Variants in MTAP observed in about 807,000 individuals in gnomAD.
MTAP encodes methylthioadenosine phosphorylase.
Under a neutral mutation model 33.6 loss-of-function variants are expected in MTAP, and 33 were observed. The observed-to-expected ratio is 0.98, with a 90% CI of 0.74 to 1.31. The LOEUF (loss-of-function observed/expected upper bound fraction) is 1.31. MTAP is among the 40% of genes most tolerant of loss of function. The pLI is 0.00. For synonymous variants in MTAP, 148 were observed against 125.7 expected (o/e 1.18, Z -1.19); for missense variants, 367 against 360.0 (o/e 1.02, Z -0.16).
intron 6 of MTAP, 120 bp from the exon 7 acceptor site, chr9:21,859,183 A>G (rs1825700665): frequency 7.1e-7 from 1 of 1,411,072 alleles, no homozygotes; most frequent in South Asian, 1.4e-5. Context: ...CGGTTTCAGC[A>G]GATAAATTTG....
chr9:21,851,938 C>T (rs1195211966), intron 5 of MTAP, among the ~76,000 whole-genome samples: 2 of 152,170 alleles, frequency 1.3e-5, no homozygotes, highest in Non-Finnish European at 2.9e-5. Context: ...TCTCCTTGCT[C>T]CTCAGCCTGC....
chr9:21,824,013 C>T (rs763398338), intron 4 of MTAP, among the ~76,000 whole-genome samples: 1 of 152,144 alleles, frequency 6.6e-6, no homozygotes, highest in Non-Finnish European at 1.5e-5. Context: ...TTCGTCTAAT[C>T]TTTTTTCAAG....
intron 1 of MTAP, among the ~76,000 whole-genome samples, chr9:21,888,395 C>T (rs1419017676): frequency 6.6e-6 from 1 of 152,066 alleles, no homozygotes; most frequent in Non-Finnish European, 1.5e-5. Context: ...TCTTCATAAT[C>T]GGTCTAGTGC....
rs1291432298 is a variant in MTAP, at chr9:21,802,784, G to A, written c.33+3G>A. ...GCACCACCACCACCGCCGTGAAGGT[G>A]AGATGAGCCCTCCCAGCCGCAGCGG... On this transcript the variant is annotated splice_donor_region_variant and intron_variant, in intron 1 of 7. Coordinates refer to ENST00000644715, the MANE Select transcript of MTAP (RefSeq NM_002451.4). The A allele has an allele frequency of 7.4e-6, 12 of 1,613,020 alleles. No individual in the cohort carries two copies. The African/African-American group carries it at 8.0e-5, about 11-fold the overall frequency.
intron 1 of MTAP, among the ~76,000 whole-genome samples, chr9:21,876,704 A>G (rs141770637): frequency 2.6e-5 from 4 of 152,134 alleles, no homozygotes; most frequent in African/African-American, 9.6e-5. Flanking sequence ...TGGGCTCTCT[A>G]TTCGGTTCCA....
chr9:21,869,825 T>C (rs926863492), downstream of MTAP, among the ~76,000 whole-genome samples: 1 of 152,228 alleles, frequency 6.6e-6, no homozygotes, highest in Non-Finnish European at 1.5e-5. Context: ...GTGTCTACTT[T>C]TGTTCCCTAG....
chr9:21,880,257 A>G (rs889257403), intron 1 of MTAP, among the ~76,000 whole-genome samples: 5 of 152,128 alleles, frequency 3.3e-5, no homozygotes, highest in Non-Finnish European at 7.4e-5. Context: ...CTTTTGCCAT[A>G]TCATTTTACA....
intron 1 of MTAP, chr9:21,929,494 C>G (rs1458610756): frequency 7.8e-6 from 2 of 256,760 alleles, no homozygotes. Flanking sequence ...CAACGCTTTA[C>G]TGGCAGCACA....
intron 4 of MTAP, among the ~76,000 whole-genome samples, chr9:21,836,973 TCCCTTGA>T (rs1362095182): frequency 2.0e-5 from 3 of 152,308 alleles, no homozygotes; most frequent in Non-Finnish European, 2.9e-5. Context: ...CCTGTTGGCT[TCCCTTGA>T]CCCATCTCTC....
In MTAP at chr9:21,915,691, C is replaced by G. The variant is rs112092805; in HGVS notation, c.148-15317C>G. 9.8e-3 allele frequency among the ~76,000 whole-genome samples: 1,487 copies of G among 152,142 alleles called. 20 individuals are homozygous for G. The highest frequency in any genetic ancestry group is 0.034 in the African/African-American group (1,420 of 41,514). On this transcript the variant is annotated intron_variant, in intron 1 of 1. Transcript: ENST00000577563. ...ATCTGACTTGCACTTTAAAAGATAA[C>G]TCAGACTATGGTGTTGAGAATATAC...
chr9:21,873,323 T>A (rs901480270), intron 1 of MTAP, among the ~76,000 whole-genome samples: 1 of 152,204 alleles, frequency 6.6e-6, no homozygotes, highest in African/African-American at 2.4e-5. Flanking sequence ...GATTTGCACT[T>A]AATGAACAGC....
Position 21,818,055 on chromosome 9 carries a change from T to A in MTAP, c.200T>A (p.Ile67Asn), listed in dbSNP as rs143281052. The stretch of plus-strand genomic sequence containing the variant: ...CATAGGCATGGAAGGCAGCACACCA[T>A]CATGCCTTCAAAGGTCAACTACCAG... Reference protein sequence around the residue: ...LLARHGRQHTIMPSKVNYQAN... With the variant: ...LLARHGRQHTNMPSKVNYQAN... Residue 67 changes from isoleucine to asparagine, a missense_variant, in exon 4 of 8, where the codon ATC becomes AAC. Physicochemically the swap from Ile to Asn is moderately radical, Grantham distance 149. Transcript: ENST00000644715. The A allele has an allele frequency of 1.2e-6, 2 of 1,612,986 alleles. No homozygotes were observed. Among genetic ancestry groups the A allele is most frequent in the African/African-American group, 2.7e-5 (2 of 74,802 alleles).
intron 1 of MTAP, among the ~76,000 whole-genome samples, chr9:21,913,536 C>A (rs924958596): frequency 1.3e-5 from 2 of 152,130 alleles, no homozygotes; most frequent in African/African-American, 4.8e-5. Context: ...GAAAGGATTC[C>A]CTATTTAATA....
chr9:21,921,284 A>G (rs983297050), intron 1 of MTAP, among the ~76,000 whole-genome samples: 3 of 151,670 alleles, frequency 2.0e-5, no homozygotes, highest in Non-Finnish European at 4.4e-5. Context: ...TTTTATTTAC[A>G]TGGGTCTTTT....
chr9:21,922,293 C>T lies in MTAP; in HGVS notation c.148-8715C>T, dbSNP rs920020023. Among the ~76,000 whole-genome samples, 3 of 151,880 alleles carry T rather than the reference C, an allele frequency of 2.0e-5. No individual in the cohort carries two copies. Among genetic ancestry groups the T allele is most frequent in the African/African-American group, 4.8e-5 (2 of 41,340 alleles). ...CAGGCCACTGTGCATGTGGATGGCC[C>T]ACCCCAAGGAAAAATCAAGAGTGGA... On this transcript the variant is annotated intron_variant, in intron 1 of 1. Transcript: ENST00000577563. This position sits in a 1 kb window ranked among gnomAD's most constrained non-coding sequence, Gnocchi z 4.8.
rs1825785149 is a variant in MTAP at position 21,863,066 on chromosome 9, C to A, written c.*1052C>A. On this transcript the variant is annotated 3_prime_UTR_variant, in exon 8 of 8. Coordinates refer to ENST00000644715, the MANE Select transcript of MTAP (RefSeq NM_002451.4). The stretch of plus-strand genomic sequence containing the variant: ...TGCTAAAGAAGAGGATCATTGATTT[C>A]TGTACAGTCAGAACAGTACTTGGGT... 1.2e-5 allele frequency: 12 copies of A among 985,378 alleles called. No homozygotes were observed. The highest frequency in any genetic ancestry group is 1.4e-5 in the Non-Finnish European group (12 of 829,884). The allele number at this position is 985,378 out of a possible 1,614,324, so 61.0% of individuals were successfully genotyped here.
intron 5 of MTAP, among the ~76,000 whole-genome samples, chr9:21,839,132 T>C (rs1174744023): frequency 6.6e-6 from 1 of 151,994 alleles, no homozygotes; most frequent in Non-Finnish European, 1.5e-5. Context: ...CCACTGCGCA[T>C]TGATTTTCTC....
downstream of MTAP, among the ~76,000 whole-genome samples, chr9:21,867,799 C>A (rs80250392): frequency 1.1e-3 from 169 of 151,930 alleles, 1 homozygote; most frequent in East Asian, 0.02. Flanking sequence ...ACATTTGATA[C>A]CTGAAAATAT....
chr9:21,904,504 T>G (rs761956132), intron 1 of MTAP, among the ~76,000 whole-genome samples: 3 of 152,104 alleles, frequency 2.0e-5, no homozygotes, highest in Non-Finnish European at 4.4e-5. Context: ...AAACCACTTC[T>G]CTGCTGGTCG....
Sources: gnomAD v4.1 joint callset for allele counts (sites outside exome capture counted in the v4.1 genomes callset) on GRCh38, gnomAD v4.1.1 for gene constraint, Gnocchi (gnomAD v3.1) non-coding constraint, MANE v1.5 for transcripts, NCBI Gene and HGNC (gene_info 2026-07-23, HGNC 2026-07-21) for gene names.